The following ADK variants were observed in gnomAD, a reference collection of about 807,000 sequenced individuals.
The protein encoded by ADK is adenosine kinase.
In ADK, 24 loss-of-function variants were observed where a neutral mutation model predicts 44.7. That is an observed-to-expected ratio of 0.54 (90% confidence interval 0.39 to 0.76). The LOEUF is 0.76. Among genes scored for constraint, ADK ranks in the 30% least tolerant of loss-of-function variants. The probability of loss-of-function intolerance (pLI) is 0.00; values close to 1 mark genes in which losing one functional copy is unlikely to be tolerated. For synonymous variants in ADK, 128 were observed against 142.6 expected (o/e 0.90, Z 0.73); for missense variants, 321 against 425.1 (o/e 0.76, Z 2.15).
chr10:74,600,231 T>C (rs1852065864), intron 8 of ADK, 148 bp from the exon 9 acceptor site: 2 of 570,266 alleles, frequency 3.5e-6, no homozygotes, highest in African/African-American at 3.8e-5. Context: ...CTATTTACTT[T>C]TGTATATGGT....
rs543257384 is a variant in ADK, at chr10:74,224,653, T to A, written c.194+62T>A. 3.0e-6 allele frequency: 4 copies of A among 1,312,640 alleles called. No individual in the cohort carries two copies. In the South Asian group the frequency reaches 4.8e-5, roughly 16 times the overall value. The allele number at this position is 1,312,640 out of a possible 1,614,324, so 81.3% of individuals were successfully genotyped here. On this transcript the variant is annotated intron_variant, in intron 3 of 10. Coordinates refer to ENST00000539909, the MANE Select transcript of ADK (RefSeq NM_006721.4). ...TCTGTCTATGAACTTGATATATGTATATGTAAATTATCTGATTTTCAAAAT... is the reference window on the plus strand; with the variant it reads ...TCTGTCTATGAACTTGATATATGTAAATGTAAATTATCTGATTTTCAAAAT...
chr10:74,452,964 A>T (rs1029341113), intron 6 of ADK, among the ~76,000 whole-genome samples: 2 of 152,076 alleles, frequency 1.3e-5, no homozygotes, highest in Non-Finnish European at 2.9e-5. Context: ...CACTTTATAG[A>T]TTTGTATGGA....
intron 1 of ADK, among the ~76,000 whole-genome samples, chr10:74,193,650 T>TG (rs1013851172): frequency 6.6e-6 from 1 of 151,980 alleles, no homozygotes; most frequent in Non-Finnish European, 1.5e-5. Context: ...CTGGGTATGG[T>TG]GGCTATAGTC....
At chr10:74,550,416 T>C (rs991233157) in intron 7 of ADK, among the ~76,000 whole-genome samples, 7 of 152,090 alleles carry the variant, frequency 4.6e-5, no homozygotes, top group African/African-American at 1.7e-4. Flanking sequence ...ATATTGCAAA[T>C]CTAACTACCT....
chr10:74,485,138 A>G (rs1215009064), intron 6 of ADK, among the ~76,000 whole-genome samples: 1 of 152,222 alleles, frequency 6.6e-6, no homozygotes, highest in Non-Finnish European at 1.5e-5. Flanking sequence ...CAAATAACCC[A>G]GAAAGAATTA....
In ADK at chr10:74,300,161, G is replaced by A. The variant is rs116808802; in HGVS notation, c.195-14506G>A. Among the ~76,000 whole-genome samples the A allele has an allele frequency of 4.2e-3, 640 of 150,908 alleles. 6 individuals are homozygous for A. Among genetic ancestry groups the A allele is most frequent in the African/African-American group, 0.014 (581 of 41,096 alleles). On this transcript the variant is annotated intron_variant, in intron 3 of 10. Coordinates refer to ENST00000539909, the MANE Select transcript of ADK (RefSeq NM_006721.4). ...AAGCTCCCAAAGTGTTGGGATTATAGGTGTGAGCCATCATGTCCCTGGCTA... is the reference window on the plus strand; with the variant it reads ...AAGCTCCCAAAGTGTTGGGATTATAAGTGTGAGCCATCATGTCCCTGGCTA...
At chr10:74,444,925 C>G (rs1845543924) in intron 6 of ADK, among the ~76,000 whole-genome samples, 1 of 151,814 alleles carries the variant, frequency 6.6e-6, no homozygotes, top group Non-Finnish European at 1.5e-5. Flanking sequence ...TTTAGTGGCA[C>G]ATACATGCAG....
chr10:74,230,415 C>A lies in ADK; in HGVS notation c.194+5824C>A, dbSNP rs1591898879. Among the ~76,000 whole-genome samples the A allele has an allele frequency of 2.6e-5, 4 of 151,802 alleles. No individual in the cohort carries two copies. The South Asian group carries it at 8.3e-4, about 32-fold the overall frequency. On this transcript the variant is annotated intron_variant, in intron 3 of 10. Coordinates refer to ENST00000539909, the MANE Select transcript of ADK (RefSeq NM_006721.4). ...GACAGTACTAGACCAGAAACCAAGT[C>A]TCCTGAGTCCCATTTAAGTGCTGTT...
chr10:74,215,784 G>C (rs866539311), intron 2 of ADK, among the ~76,000 whole-genome samples: 1 of 149,934 alleles, frequency 6.7e-6, no homozygotes, highest in African/African-American at 2.5e-5. Flanking sequence ...TCCTGCCTCA[G>C]CCTCCCAAGC....
intron 2 of ADK, among the ~76,000 whole-genome samples, chr10:74,201,391 C>A (rs1203301952): frequency 4.6e-5 from 7 of 152,142 alleles, no homozygotes; most frequent in Non-Finnish European, 1.0e-4. Flanking sequence ...ACAATAGTCC[C>A]CACTTGTGTC....
chr10:74,203,465 C>G (rs1489485530), intron 2 of ADK, among the ~76,000 whole-genome samples: 1 of 151,708 alleles, frequency 6.6e-6, no homozygotes, highest in Non-Finnish European at 1.5e-5. Context: ...TTCAAGTGAT[C>G]CTTCTATTTC....
rs182615429 is a variant in ADK at position 74,698,969 on chromosome 10, C to A, written c.965-9352C>A. On this transcript the variant is annotated intron_variant, in intron 10 of 10. Transcript: ENST00000539909. ...TCAAGCAGTCCTTCCACCTCAGCCT[C>A]CCAAGTAGCTGGGATTGCAGGTGCA... is the stretch of plus-strand genomic sequence containing the variant. Among the ~76,000 whole-genome samples, 71 of 151,754 alleles carry A rather than the reference C, an allele frequency of 4.7e-4. No homozygotes were observed. In the East Asian group the frequency reaches 0.012, roughly 25 times the overall value.
At chr10:74,175,981 TTC>T (rs1238165123) in intron 1 of ADK, among the ~76,000 whole-genome samples, 1 of 77,900 alleles carries the variant, frequency 1.3e-5, no homozygotes, top group Non-Finnish European at 2.7e-5. Flanking sequence ...TGGTCTTAGA[TTC>T]TTTTTTTTTT....
At chr10:74,597,058 T>C (rs1030725429) in intron 8 of ADK, among the ~76,000 whole-genome samples, 6 of 152,220 alleles carry the variant, frequency 3.9e-5, no homozygotes, top group Admixed American at 6.5e-5. Flanking sequence ...TATAATTGAA[T>C]GTTCCATATT....
intron 8 of ADK, among the ~76,000 whole-genome samples, chr10:74,591,109 A>G (rs1323229053): frequency 6.6e-6 from 1 of 152,130 alleles, no homozygotes; most frequent in Non-Finnish European, 1.5e-5. Flanking sequence ...AGCCTGATTA[A>G]TACTTTTATT....
chr10:74,592,648 C>T (rs991278594), intron 8 of ADK, among the ~76,000 whole-genome samples: 4 of 152,030 alleles, frequency 2.6e-5, no homozygotes, highest in South Asian at 2.1e-4. Flanking sequence ...CAATCCTTTT[C>T]GCCTTTTTCA....
intron 4 of ADK, among the ~76,000 whole-genome samples, chr10:74,339,352 A>G (rs984977192): frequency 6.6e-6 from 1 of 152,202 alleles, no homozygotes; most frequent in African/African-American, 2.4e-5. Context: ...TTTATACACT[A>G]AATTAAAAGA....
intron 7 of ADK, among the ~76,000 whole-genome samples, chr10:74,552,762 G>A (rs1426181870): frequency 1.3e-5 from 2 of 151,914 alleles, no homozygotes; most frequent in Admixed American, 1.3e-4. Context: ...TTTAAAAATT[G>A]GGCAAAAGAC....
chr10:74,572,134 G>T (rs1355124880), intron 7 of ADK, among the ~76,000 whole-genome samples: 4 of 152,134 alleles, frequency 2.6e-5, no homozygotes, highest in African/African-American at 4.8e-5. Flanking sequence ...TTTTGCAGTG[G>T]CTGGTACCGG....
Sources: allele counts gnomAD v4.1 joint callset (sites outside exome capture counted in the v4.1 genomes callset), GRCh38; gene constraint gnomAD v4.1.1; transcripts MANE v1.5; gene names NCBI Gene and HGNC (gene_info 2026-07-23, HGNC 2026-07-21).